TMC3: variants seen among roughly 807,000 people sequenced by gnomAD.
The protein encoded by TMC3 is transmembrane channel like 3, also known as transmembrane channel-like protein 3.
Under a neutral mutation model 110.6 loss-of-function variants are expected in TMC3, and 98 were observed. The ratio of observed to expected loss-of-function variants is 0.89; its 90% CI spans 0.75 to 1.05. TMC3 has a LOEUF of 1.05. TMC3 is among the 50% of genes least tolerant of loss of function. The pLI, the probability that TMC3 is intolerant of heterozygous loss-of-function variation, is 0.00. For synonymous variants in TMC3, 489 were observed against 513.1 expected, an observed-to-expected ratio of 0.95 and a Z score of 0.63; for missense variants, 1,319 against 1,373.2, an observed-to-expected ratio of 0.96 and a Z score of 0.62.
chr15:81,333,991 C>CAAAA (rs949681769), intron 21 of TMC3, among the ~76,000 whole-genome samples: 1 of 130,934 alleles, frequency 7.6e-6, no homozygotes, highest in Non-Finnish European at 1.7e-5. Context: ...ACCCTAGTCT[C>CAAAA]AAAAAAAAAA....
At chr15:81,341,037 G>A (rs1893702635) in intron 16 of TMC3, among the ~76,000 whole-genome samples, 1 of 152,218 alleles carries the variant, frequency 6.6e-6, no homozygotes, top group Non-Finnish European at 1.5e-5. Flanking sequence ...ACATACAAGT[G>A]GGCATGCTCT....
At chr15:81,362,569 G>A (rs192497590) in intron 3 of TMC3, among the ~76,000 whole-genome samples, 9 of 152,254 alleles carry the variant, frequency 5.9e-5, no homozygotes, top group Admixed American at 2.6e-4. Flanking sequence ...CACCCGAGCC[G>A]TGATGCCTGT....
intron 16 of TMC3, among the ~76,000 whole-genome samples, chr15:81,339,917 TC>T (rs1567061799): frequency 6.6e-6 from 1 of 152,326 alleles, no homozygotes; most frequent in East Asian, 1.9e-4. Flanking sequence ...GTCTCTTACG[TC>T]TCGGGATGGT....
Position 81,332,931 on chromosome 15 carries a change from G to A in TMC3, c.2791C>T (p.Arg931Trp), listed in dbSNP as rs376159828. ...YPRNVRQYAS[R>W]VPRQPPSPQL... ...GGGGAGGGAGGCTGGCGGGGGACCC[G>A]GGATGCATATTGTCGCACGTTCCTG... is the stretch of plus-strand genomic sequence containing the variant. Residue 931 changes from arginine to tryptophan, a missense_variant, in exon 22 of 22, where the codon CGG becomes TGG. Arg to Trp is a moderately radical substitution (Grantham distance 101). Coordinates refer to ENST00000359440, the MANE Select transcript of TMC3 (RefSeq NM_001080532.3). The A allele has an allele frequency of 2.7e-5, 43 of 1,612,230 alleles. No individual in the cohort carries two copies. The African/African-American group carries it at 4.5e-4, about 17-fold the overall frequency.
rs561134664 is a variant in TMC3, at chr15:81,362,984, G to A, written c.313-683C>T. 7.2e-5 allele frequency among the ~76,000 whole-genome samples: 11 copies of A among 152,280 alleles called. No individual in the cohort carries two copies. The South Asian group carries it at 2.1e-3, about 29-fold the overall frequency. On this transcript the variant is annotated intron_variant, in intron 3 of 21. Coordinates refer to ENST00000359440, the MANE Select transcript of TMC3 (RefSeq NM_001080532.3). ...ATTTGTCTTGTATTTTTGGCCAGGC[G>A]CGGTGGCTCACGCCTGTAATCCAAC...
Position 81,343,961 on chromosome 15 carries a change from GC to G in TMC3, c.1602del (p.Arg535GlyfsTer3). The G allele has an allele frequency of 6.2e-7, 1 of 1,612,884 alleles. No individual in the cohort carries two copies. The highest frequency in any genetic ancestry group is 1.1e-5 in the South Asian group (1 of 91,054). On this transcript the variant is annotated frameshift_variant, in exon 14 of 22. Coordinates refer to ENST00000359440, the MANE Select transcript of TMC3 (RefSeq NM_001080532.3). LOFTEE classifies it high-confidence loss of function. ...CAACACCAGTAGTCACTTAAGTACC[GC>G]ACGAAAAGTCCTCGGAAGAAGTCTA... ...LLIDFFRGLF[V>X]RYLSDYWCWD... is the part of the protein sequence containing the mutation.
Position 81,372,622 on chromosome 15 carries a change from A to G in TMC3, c.205T>C (p.Trp69Arg), listed in dbSNP as rs986225726. Residue 69 changes from tryptophan to arginine, a missense_variant, in exon 2 of 22, where the codon TGG (tryptophan) becomes CGG (arginine). By Grantham distance (101) the Trp-to-Arg change is moderately radical (BLOSUM62 -3). Coordinates refer to ENST00000359440, the MANE Select transcript of TMC3 (RefSeq NM_001080532.3). ...GCCCTCAGCTTCTGTCCCATAGTCC[A>G]GGGTCTGCAGCGAATGTTTGCCATG... Reference protein sequence around the residue: ...DLMANIRCRPWTMGQKLRALR... With the variant: ...DLMANIRCRPRTMGQKLRALR... The G allele has an allele frequency of 6.2e-7, 1 of 1,613,740 alleles. No individual in the cohort carries two copies. The highest frequency in any genetic ancestry group is 8.5e-7 in the Non-Finnish European group (1 of 1,179,880).
In TMC3 at chr15:81,374,088, C is replaced by T; in HGVS notation, c.-11G>A. The stretch of plus-strand genomic sequence containing the variant: ...CTTCGAGGTTTTCATGGGAGCTAAC[C>T]CACTGCTAACAATCAGAAGCTGGCC... On this transcript the variant is annotated 5_prime_UTR_variant, in exon 1 of 22. Coordinates refer to ENST00000359440, the MANE Select transcript of TMC3 (RefSeq NM_001080532.3). The T allele has an allele frequency of 1.2e-5, 20 of 1,612,674 alleles. No individual in the cohort carries two copies. The highest frequency in any genetic ancestry group is 1.4e-5 in the Non-Finnish European group (17 of 1,179,188).
At chr15:81,336,491 C>A (rs34480099) in intron 20 of TMC3, 118 bp downstream of exon 20, 151,500 of 908,222 alleles carry the variant, frequency 0.17, 17,073 homozygotes, top group South Asian at 0.39. Flanking sequence ...TCACTTGAAC[C>A]GGGAAGGTGG....
chr15:81,337,532 C>T, intron 19 of TMC3: 1 of 460,968 alleles, frequency 2.2e-6, no homozygotes, highest in Non-Finnish European at 4.0e-6. Context: ...TCTACCAGAG[C>T]TCACAAAAGT....
At chr15:81,359,192 C>A (rs1471539716) in intron 5 of TMC3, among the ~76,000 whole-genome samples, 173 bp downstream of exon 5, 1 of 152,190 alleles carries the variant, frequency 6.6e-6, no homozygotes, top group African/African-American at 2.4e-5. Context: ...CCAAGTAGCC[C>A]ATGAAGCCTA....
rs1429519957 is a variant in TMC3, at chr15:81,344,806, T to C, written c.1478A>G (p.Gln493Arg). 1 of 1,613,980 alleles carries C rather than the reference T, an allele frequency of 6.2e-7. No homozygotes were observed. The highest frequency in any genetic ancestry group is 2.2e-5 in the East Asian group (1 of 44,884). Residue 493 changes from glutamine to arginine, a missense_variant, in exon 13 of 22, where the codon CAG (glutamine) becomes CGG (arginine). Coordinates refer to ENST00000359440, the MANE Select transcript of TMC3 (RefSeq NM_001080532.3). ...CTCCCAGCACTGGTCTTGTGGACTC[T>C]GAGTGTGGAGGCTAGTCTTGTTGGC... is the stretch of plus-strand genomic sequence containing the variant. Reference protein sequence around the residue: ...IKANKTSLHTQSPQDQCWETY... With the variant: ...IKANKTSLHTRSPQDQCWETY...
rs1894065371 is a variant in TMC3, at chr15:81,356,519, A to C, written c.819T>G (p.Cys273Trp). 3 of 1,573,352 alleles carry C rather than the reference A, an allele frequency of 1.9e-6. No individual in the cohort carries two copies. In the African/African-American group the frequency reaches 4.1e-5, roughly 21 times the overall value. Reference protein sequence around the residue: ...ENYTFCWRVFCAWDYLIGNPE... With the variant: ...ENYTFCWRVFWAWDYLIGNPE... ...GGTTTCCAATGAGGTAATCCCAGGC[A>C]CAGAACACCCGCCAGCAGAAGGTAT... Residue 273 changes from cysteine to tryptophan, a missense_variant, in exon 8 of 22, where the codon TGT (cysteine) becomes TGG (tryptophan). Transcript: ENST00000359440.
Position 81,357,191 on chromosome 15 carries a change from C to T in TMC3, c.744-597G>A, listed in dbSNP as rs115232411. Among the ~76,000 whole-genome samples, 1,300 of 152,052 alleles carry T rather than the reference C, an allele frequency of 8.5e-3. 23 individuals carry two copies. The highest frequency in any genetic ancestry group is 0.03 in the African/African-American group (1,224 of 41,462). On this transcript the variant is annotated intron_variant, in intron 7 of 21. Transcript: ENST00000359440. ...TACATTGTATGTCTAGTAAAGGGCC[C>T]GAGTCTTCCATGTGGGTCCTGGAAG...
chr15:81,343,295 G>T lies in TMC3; in HGVS notation c.1698C>A (p.Tyr566Ter), dbSNP rs749446942. Reference protein sequence around the residue: ...KIAENVLHLVYNQGMIWMGAF... With the variant: ...KIAENVLHLV ...ATACCTACCAAATCATTCCTTGGTT[G>T]TAGACTAAATGTAGCACATTCTCAG... Residue 566 changes from tyrosine to a stop codon, truncating the protein, a stop_gained, in exon 15 of 22, where the codon TAC becomes TAA. Transcript: ENST00000359440. LOFTEE classifies it high-confidence loss of function. The T allele has an allele frequency of 1.2e-6, 2 of 1,608,728 alleles. No homozygotes were observed. The highest frequency in any genetic ancestry group is 1.7e-6 in the Non-Finnish European group (2 of 1,175,196).
intron 7 of TMC3, among the ~76,000 whole-genome samples, chr15:81,357,485 G>A (rs1016076386): frequency 6.6e-6 from 1 of 151,912 alleles, no homozygotes; most frequent in Non-Finnish European, 1.5e-5. Flanking sequence ...GCTCCCACAC[G>A]GAAGACCTGG....
intron 5 of TMC3, 38 bp from the exon 6 acceptor site, chr15:81,358,538 G>C: frequency 8.5e-6 from 13 of 1,538,392 alleles, no homozygotes; most frequent in Non-Finnish European, 1.1e-5. Flanking sequence ...GGTCCTCTGG[G>C]TGGGAGGGGA....
chr15:81,341,140 T>G (rs1893705293), intron 16 of TMC3, among the ~76,000 whole-genome samples: 1 of 152,230 alleles, frequency 6.6e-6, no homozygotes, highest in Admixed American at 6.5e-5. Context: ...TGTGTACTTT[T>G]TTTCTAAAGG....
intron 18 of TMC3, 83 bp downstream of exon 18, chr15:81,338,572 T>G (rs1893645637): frequency 1.3e-6 from 2 of 1,560,478 alleles, no homozygotes; most frequent in Non-Finnish European, 1.7e-6. Context: ...ACTAATAAAT[T>G]TTATGTAATT....
Sources: allele counts gnomAD v4.1 joint callset (sites outside exome capture counted in the v4.1 genomes callset), GRCh38; gene constraint gnomAD v4.1.1; transcripts MANE v1.5; gene names NCBI Gene and HGNC (gene_info 2026-07-23, HGNC 2026-07-21).